Variants in ZNF91 observed in about 807,000 individuals in gnomAD.
ZNF91 encodes the protein zinc finger protein 91, also known as zinc finger protein 91 (HPF7, HTF10).
ZNF91 carries 7 observed loss-of-function variants against 12.6 expected under a neutral mutation model. The ratio of observed to expected loss-of-function variants is 0.55; its 90% CI spans 0.31 to 1.04. The LOEUF (loss-of-function observed/expected upper bound fraction) is 1.04. Among genes scored for constraint, ZNF91 ranks in the 50% least tolerant of loss-of-function variants. The pLI, the probability that ZNF91 is intolerant of heterozygous loss-of-function variation, is 0.05. For synonymous variants in ZNF91, 453 were observed against 462.6 expected, an observed-to-expected ratio of 0.98 and a Z score of 0.27; for missense variants, 1,217 against 1,385.4, an observed-to-expected ratio of 0.88 and a Z score of 1.93.
upstream of ZNF91, among the ~76,000 whole-genome samples, chr19:23,311,102 T>C (rs1284393623): frequency 6.6e-6 from 1 of 152,214 alleles, no homozygotes. Context: ...TAGAAAATAT[T>C]GTGACTTATC....
downstream of ZNF91, chr19:23,338,673 C>T (rs1471901761): frequency 6.8e-6 from 1 of 147,992 alleles, no homozygotes; most frequent in Non-Finnish European, 1.5e-5. Context: ...AAAAATAAGA[C>T]AAGAAAATAA....
chr19:23,332,256 T>A (rs1967940297), intron 1 of ZNF91, among the ~76,000 whole-genome samples: 1 of 152,190 alleles, frequency 6.6e-6, no homozygotes, highest in Non-Finnish European at 1.5e-5. Context: ...TTGTTAGCTT[T>A]TTTACATAGA....
At chr19:23,373,879 C>T in intron 2 of ZNF91, 42 bp from the exon 3 acceptor site, 1 of 1,438,482 alleles carries the variant, frequency 7.0e-7, no homozygotes, top group Non-Finnish European at 9.5e-7. Flanking sequence ...TGCTCATATT[C>T]TCCACCTGCC....
At chr19:23,380,594 G>T (rs1355160155) in intron 1 of ZNF91, 1 of 152,026 alleles carries the variant, frequency 6.6e-6, no homozygotes, top group Non-Finnish European at 1.5e-5. Context: ...AGATTATATT[G>T]AGAGAAAAAA....
chr19:23,344,195 C>T (rs997630187), intron 3 of ZNF91, among the ~76,000 whole-genome samples: 2 of 152,070 alleles, frequency 1.3e-5, no homozygotes, highest in African/African-American at 4.8e-5. Context: ...CTCGGGTTCA[C>T]GCCATTGTTC....
At chr19:23,357,042 A>T (rs1335179973), downstream of ZNF91, among the ~76,000 whole-genome samples, 1 of 152,084 alleles carries the variant, frequency 6.6e-6, no homozygotes, top group Non-Finnish European at 1.5e-5. Flanking sequence ...GCCTGACCAA[A>T]ACGGTGAAAC....
intron 1 of ZNF91, among the ~76,000 whole-genome samples, chr19:23,330,273 G>C (rs996191287): frequency 5.3e-5 from 8 of 151,976 alleles, no homozygotes; most frequent in African/African-American, 9.7e-5. Context: ...GGAGGTTGCA[G>C]TGAGCCGAGA....
chr19:23,320,184 G>T (rs1967658615), intron 1 of ZNF91, among the ~76,000 whole-genome samples: 1 of 152,158 alleles, frequency 6.6e-6, no homozygotes, highest in South Asian at 2.1e-4. Flanking sequence ...GGACACTTAT[G>T]GGATAGTGAC....
intron 2 of ZNF91, 39 bp downstream of exon 2, chr19:23,374,599 T>C (rs767282534): frequency 2.0e-5 from 30 of 1,528,036 alleles, no homozygotes; most frequent in Non-Finnish European, 2.6e-5. Context: ...GTAAAACCAT[T>C]AGTTTATATT....
intron 3 of ZNF91, among the ~76,000 whole-genome samples, chr19:23,369,212 A>C (rs1029898976): frequency 6.6e-6 from 1 of 152,084 alleles, no homozygotes; most frequent in Non-Finnish European, 1.5e-5. Context: ...CAGGAGGCTG[A>C]GGCAGGAGAA....
intron 1 of ZNF91, among the ~76,000 whole-genome samples, chr19:23,386,967 A>C (rs902824962): frequency 1.3e-5 from 2 of 152,206 alleles, no homozygotes; most frequent in Non-Finnish European, 2.9e-5. Context: ...ACAAGGAAAA[A>C]ATACCTCATT....
At chr19:23,356,632 G>A (rs1968493481), downstream of ZNF91, among the ~76,000 whole-genome samples, 1 of 152,184 alleles carries the variant, frequency 6.6e-6, no homozygotes, top group Non-Finnish European at 1.5e-5. Flanking sequence ...ATGGTGCAGT[G>A]TATACTGCTT....
intron 1 of ZNF91, among the ~76,000 whole-genome samples, chr19:23,322,313 A>G (rs1330864498): frequency 1.3e-5 from 2 of 152,068 alleles, no homozygotes; most frequent in African/African-American, 2.4e-5. Context: ...CCTAGGTGAT[A>G]TGGCTCTCCT....
At chr19:23,394,698 A>C (rs1283678882) in intron 1 of ZNF91, among the ~76,000 whole-genome samples, 1 of 151,986 alleles carries the variant, frequency 6.6e-6, no homozygotes, top group Non-Finnish European at 1.5e-5. Context: ...ACTGCACTCC[A>C]GCCCGCGCGA....
intron 1 of ZNF91, chr19:23,309,228 T>C (rs1230199392): frequency 6.6e-6 from 1 of 152,090 alleles, no homozygotes; most frequent in Admixed American, 6.6e-5. Context: ...TCCCAACTTA[T>C]ACTGTATGAG....
At position 23,362,502 on chromosome 19, in the gene ZNF91, A is replaced by T. The variant is rs181262142; in HGVS notation, c.477T>A (p.Tyr159Ter). The T allele has an allele frequency of 1.2e-6, 2 of 1,603,140 alleles. No individual in the cohort carries two copies. Among genetic ancestry groups the T allele is most frequent in the Non-Finnish European group, 8.5e-7 (1 of 1,176,022 alleles). The change falls in exon 4 of 4, where the codon TAT becomes TAA. Residue 159 changes from tyrosine to a stop codon, truncating the protein, a stop_gained. Coordinates refer to ENST00000300619, the MANE Select transcript of ZNF91 (RefSeq NM_003430.4). LOFTEE classifies it low-confidence loss of function (END_TRUNC). ...TTAAAAATTTATAGAAGACTTTCAA[A>T]TATTTCCCACATTGAAATACTTTGC... The part of the protein sequence containing the change: ...AQSKVFQCGK[Y>*]LKVFYKFLNS...
chr19:23,319,461 G>C (rs4021374), intron 1 of ZNF91, among the ~76,000 whole-genome samples: 3 of 152,234 alleles, frequency 2.0e-5, no homozygotes, highest in Non-Finnish European at 4.4e-5. Flanking sequence ...TGATGTGACT[G>C]TCCTTTCTCC....
rs1968582734 is a variant in ZNF91, at chr19:23,359,021, T to C, written c.*382A>G. 2 of 511,868 alleles carry C rather than the reference T, an allele frequency of 3.9e-6. No individual in the cohort carries two copies. Among genetic ancestry groups the C allele is most frequent in the Non-Finnish European group, 7.6e-6 (2 of 262,220 alleles). The allele number at this position is 511,868 out of a possible 1,614,324, so 31.7% of individuals were successfully genotyped here. A position where few individuals can be genotyped will look rare whatever the true frequency, so the allele number is the denominator to read the frequency against. On this transcript the variant is annotated 3_prime_UTR_variant, in exon 4 of 4. Coordinates refer to ENST00000300619, the MANE Select transcript of ZNF91 (RefSeq NM_003430.4). ...AACTGGTTAAAGGCTTTGCCAAATT[T>C]TTCCTGTTTGTAGGGTTGCTGTCCA...
downstream of ZNF91, among the ~76,000 whole-genome samples, chr19:23,335,578 T>C (rs984580734): frequency 6.6e-6 from 1 of 152,160 alleles, no homozygotes. Flanking sequence ...CTCGGACTGC[T>C]GTGCTAGCAG....
Sources: gnomAD v4.1 joint callset for allele counts (sites outside exome capture counted in the v4.1 genomes callset) on GRCh38, gnomAD v4.1.1 for gene constraint, MANE v1.5 for transcripts, NCBI Gene and HGNC (gene_info 2026-07-23, HGNC 2026-07-21) for gene names.